C12orf42: variants seen among roughly 807,000 people sequenced by gnomAD.
C12orf42 encodes the protein chromosome 12 open reading frame 42.
C12orf42 carries 25 observed loss-of-function variants against 21.6 expected under a neutral mutation model. That is an observed-to-expected ratio of 1.16 (90% CI 0.84 to 1.62). The LOEUF is 1.62. Ranked by LOEUF, C12orf42 falls within the 40% of genes most tolerant of loss-of-function variation. The pLI is 0.00. For synonymous variants in C12orf42, 174 were observed against 175.0 expected (o/e 0.99, Z 0.05); for missense variants, 483 against 459.3 (o/e 1.05, Z -0.47).
the C12orf42 span, among the ~76,000 whole-genome samples, chr12:103,222,070 G>A: frequency 2.0e-5 from 3 of 152,148 alleles, no homozygotes; most frequent in Non-Finnish European, 4.4e-5. Context: ...GCAGGCCCAA[G>A]ATGTCATATG....
chr12:103,260,347 C>T (rs2136221578), intron 10 of C12orf42, among the ~76,000 whole-genome samples: 1 of 152,278 alleles, frequency 6.6e-6, no homozygotes, highest in East Asian at 1.9e-4. Flanking sequence ...CATGATGAAG[C>T]TCTTTTTAAT....
chr12:103,194,642 T>A, the C12orf42 span, among the ~76,000 whole-genome samples: 1 of 152,080 alleles, frequency 6.6e-6, no homozygotes, highest in Non-Finnish European at 1.5e-5. Flanking sequence ...GTGAAAATCA[T>A]AATACAAACA....
At chr12:103,528,386 T>C in the C12orf42 span, among the ~76,000 whole-genome samples, 5 of 152,346 alleles carry the variant, frequency 3.3e-5, no homozygotes, top group South Asian at 4.1e-4. Context: ...CCTGATGCTA[T>C]AGTTGGATGT....
In C12orf42 at chr12:103,420,491, C is replaced by T. The variant is rs550617855; in HGVS notation, c.79-18816G>A. 2.6e-4 allele frequency among the ~76,000 whole-genome samples: 39 copies of T among 152,232 alleles called. 1 individual carries two copies. The highest frequency in any genetic ancestry group is 9.1e-4 in the African/African-American group (38 of 41,552). ...CTGCTCATCAATTGTCTCCTTGTGT[C>T]AGCACTTCCCCTTCTAATGCAAACT... On this transcript the variant is annotated intron_variant, in intron 2 of 5. Coordinates refer to ENST00000548883, the MANE Select transcript of C12orf42 (RefSeq NM_198521.5).
intron 2 of C12orf42, chr12:103,476,760 A>T (rs1472333729): frequency 6.6e-6 from 1 of 152,226 alleles, no homozygotes. Context: ...AGCAAAGATG[A>T]TGCTAATTTT....
At chr12:103,282,712 C>CT (rs2036212870) in intron 4 of C12orf42, among the ~76,000 whole-genome samples, 1 of 152,144 alleles carries the variant, frequency 6.6e-6, no homozygotes, top group Non-Finnish European at 1.5e-5. Flanking sequence ...GATGAGGACT[C>CT]TAATTAAAGT....
intron 2 of C12orf42, among the ~76,000 whole-genome samples, chr12:103,415,689 G>A (rs1001205988): frequency 6.6e-6 from 1 of 152,188 alleles, no homozygotes; most frequent in Non-Finnish European, 1.5e-5. Context: ...TGAGACTCAT[G>A]CTTTACAGTA....
the C12orf42 span, among the ~76,000 whole-genome samples, chr12:103,218,783 A>G: frequency 1.3e-5 from 2 of 152,238 alleles, no homozygotes; most frequent in East Asian, 3.8e-4. Context: ...GGTCATTTCC[A>G]CAGTAGATTG....
downstream of C12orf42, among the ~76,000 whole-genome samples, chr12:103,234,423 A>G (rs989663122): frequency 3.9e-5 from 6 of 152,026 alleles, no homozygotes; most frequent in African/African-American, 1.4e-4. Flanking sequence ...AAGTGGGAGG[A>G]CTGAGGAAAG....
At chr12:103,530,176 A>G in the C12orf42 span, among the ~76,000 whole-genome samples, 1 of 152,214 alleles carries the variant, frequency 6.6e-6, no homozygotes, top group Non-Finnish European at 1.5e-5. Flanking sequence ...CTCTGAAAAG[A>G]GAAGGTAAGC....
chr12:103,468,590 A>G (rs536430045), intron 2 of C12orf42, among the ~76,000 whole-genome samples: 1 of 152,262 alleles, frequency 6.6e-6, no homozygotes, highest in Non-Finnish European at 1.5e-5. Context: ...CTAAGAGGCA[A>G]TCCTCCCCAT....
chr12:103,140,536 G>A, the C12orf42 span, among the ~76,000 whole-genome samples: 1 of 152,184 alleles, frequency 6.6e-6, no homozygotes, highest in Non-Finnish European at 1.5e-5. Flanking sequence ...AAAAGAGTCG[G>A]AGGTCTGTTG....
Position 103,302,370 on chromosome 12 carries a change from C to T in C12orf42, c.821G>A (p.Gly274Glu), listed in dbSNP as rs758099381. The stretch of plus-strand genomic sequence containing the variant: ...CGGCGCCATGGCAACCGCGCCTTTT[C>T]CGACGGGATTTCCGGACGCGCCCAG... ...RLLGASGNPV[G>E]KGAVAMAPEM... Residue 274 changes from glycine (G) to glutamate (E), a missense_variant, in exon 6 of 6, where the codon GGA (glycine) becomes GAA (glutamate). Transcript: ENST00000548883. 6 of 1,613,972 alleles carry T rather than the reference C, an allele frequency of 3.7e-6. No individual in the cohort carries two copies. The South Asian group carries it at 6.6e-5, about 18-fold the overall frequency.
At chr12:103,147,295 T>G in the C12orf42 span, among the ~76,000 whole-genome samples, 1 of 152,100 alleles carries the variant, frequency 6.6e-6, no homozygotes, top group African/African-American at 2.4e-5. Context: ...CTAGTTTTCA[T>G]TTTTCTAAGC....
the C12orf42 span, among the ~76,000 whole-genome samples, chr12:103,231,598 C>A: frequency 1.3e-5 from 2 of 152,266 alleles, no homozygotes; most frequent in South Asian, 2.1e-4. Context: ...CACTTAGTAA[C>A]ATGCATTTAA....
At chr12:103,332,962 T>A (rs926370939) in intron 4 of C12orf42, among the ~76,000 whole-genome samples, 1 of 152,108 alleles carries the variant, frequency 6.6e-6, no homozygotes, top group African/African-American at 2.4e-5. Flanking sequence ...AACACATAAG[T>A]CGAAGGCTTA....
the C12orf42 span, among the ~76,000 whole-genome samples, chr12:103,116,413 T>C: frequency 6.8e-6 from 1 of 147,622 alleles, no homozygotes; most frequent in South Asian, 2.1e-4. Flanking sequence ...TACATATACA[T>C]ATATATATAT....
the C12orf42 span, among the ~76,000 whole-genome samples, chr12:103,119,779 G>A: frequency 1.3e-5 from 2 of 152,228 alleles, no homozygotes; most frequent in Non-Finnish European, 1.5e-5. Context: ...ATATATTTAT[G>A]CACATATATG....
At chr12:103,436,068 C>T (rs1592800697) in intron 2 of C12orf42, among the ~76,000 whole-genome samples, 2 of 152,092 alleles carry the variant, frequency 1.3e-5, no homozygotes, top group African/African-American at 4.8e-5. Context: ...AGAAACCCTA[C>T]AAGCCAGAAG....
Sources: allele counts gnomAD v4.1 joint callset (sites outside exome capture counted in the v4.1 genomes callset), GRCh38; gene constraint gnomAD v4.1.1; transcripts MANE v1.5; gene names NCBI Gene and HGNC (gene_info 2026-07-23, HGNC 2026-07-21).